Variants in DPY19L2 observed in about 807,000 individuals in gnomAD.
DPY19L2 encodes the protein dpy-19 like 2.
Under a neutral mutation model 97.9 loss-of-function variants are expected in DPY19L2, and 34 were observed. That is an observed-to-expected ratio of 0.35 (90% confidence interval 0.26 to 0.46). DPY19L2 has a LOEUF of 0.46. Ranked by LOEUF, DPY19L2 falls within the 20% of genes least tolerant of loss-of-function variation. The probability of loss-of-function intolerance (pLI) is 1.00; values close to 1 mark genes in which losing one functional copy is unlikely to be tolerated. For synonymous variants in DPY19L2, 230 were observed against 307.9 expected, an observed-to-expected ratio of 0.75 and a Z score of 2.65; for missense variants, 623 against 911.4, an observed-to-expected ratio of 0.68 and a Z score of 4.07.
chr12:63,632,185 A>T (rs944552957), intron 6 of DPY19L2, among the ~76,000 whole-genome samples: 4 of 152,150 alleles, frequency 2.6e-5, no homozygotes, highest in African/African-American at 9.7e-5. Context: ...CACCACTCCT[A>T]TACAACATAT....
chr12:63,615,224 T>C (rs144485511), intron 11 of DPY19L2, among the ~76,000 whole-genome samples: 180 of 152,224 alleles, frequency 1.2e-3, no homozygotes, highest in African/African-American at 3.9e-3. Flanking sequence ...GAGCCTACAT[T>C]TGGAAGATGA....
At chr12:63,652,975 G>T (rs1282512513) in intron 4 of DPY19L2, among the ~76,000 whole-genome samples, 1 of 151,916 alleles carries the variant, frequency 6.6e-6, no homozygotes, top group Non-Finnish European at 1.5e-5. Context: ...AACACATAAA[G>T]AAAAGTCAAA....
At chr12:63,594,654 G>C (rs1280205494) in intron 15 of DPY19L2, among the ~76,000 whole-genome samples, 5 of 92,512 alleles carry the variant, frequency 5.4e-5, no homozygotes, top group African/African-American at 8.5e-5. Flanking sequence ...GTGCGTGTCT[G>C]TGTGTGTGTG....
chr12:63,638,046 G>A (rs1301792319), intron 6 of DPY19L2, among the ~76,000 whole-genome samples: 6 of 152,126 alleles, frequency 3.9e-5, no homozygotes, highest in Admixed American at 6.5e-5. Flanking sequence ...ATGCAAGGCT[G>A]GTTCAACATA....
chr12:63,617,498 G>A (rs1888047715), intron 10 of DPY19L2, 108 bp from the exon 11 acceptor site: 1 of 669,204 alleles, frequency 1.5e-6, no homozygotes, highest in Admixed American at 3.3e-5. Flanking sequence ...GCATAAAGAT[G>A]AATGACTCTT....
At chr12:63,585,856 T>C (rs573395778) in intron 16 of DPY19L2, among the ~76,000 whole-genome samples, 2 of 152,270 alleles carry the variant, frequency 1.3e-5, no homozygotes, top group African/African-American at 4.8e-5. Flanking sequence ...AATGCATCCA[T>C]ATAATTAAAA....
intron 4 of DPY19L2, among the ~76,000 whole-genome samples, chr12:63,655,247 C>A (rs1055650079): frequency 6.6e-6 from 1 of 151,954 alleles, no homozygotes; most frequent in African/African-American, 2.4e-5. Flanking sequence ...TAGGGAAATG[C>A]AAATTAAAGC....
At chr12:63,571,612 A>G (rs1202235907) in intron 19 of DPY19L2, among the ~76,000 whole-genome samples, 1 of 152,200 alleles carries the variant, frequency 6.6e-6, no homozygotes, top group Non-Finnish European at 1.5e-5. Context: ...GCCATAAAAA[A>G]GGAAAGCATT....
intron 3 of DPY19L2, 147 bp downstream of exon 3, chr12:63,663,611 A>G: frequency 3.1e-6 from 2 of 642,094 alleles, no homozygotes; most frequent in Non-Finnish European, 5.2e-6. Flanking sequence ...AATCTCAAAC[A>G]CTTTACTATT....
At chr12:63,640,645 ACAG>A (rs1565823805) in intron 6 of DPY19L2, among the ~76,000 whole-genome samples, 1 of 152,150 alleles carries the variant, frequency 6.6e-6, no homozygotes, top group Non-Finnish European at 1.5e-5. Context: ...TGACACCTCT[ACAG>A]TCACTATTGG....
At chr12:63,646,335 A>G (rs1177098123) in intron 5 of DPY19L2, among the ~76,000 whole-genome samples, 2 of 152,166 alleles carry the variant, frequency 1.3e-5, no homozygotes, top group Non-Finnish European at 2.9e-5. Context: ...ATCATTGCAA[A>G]GTCTTTCATT....
At chr12:63,573,823 T>G (rs1482087203) in intron 19 of DPY19L2, among the ~76,000 whole-genome samples, 1 of 152,104 alleles carries the variant, frequency 6.6e-6, no homozygotes, top group African/African-American at 2.4e-5. Context: ...CTGAGAGTAG[T>G]GTATCCAGAG....
chr12:63,658,767 C>G (rs1009650934), intron 4 of DPY19L2, among the ~76,000 whole-genome samples: 3 of 152,136 alleles, frequency 2.0e-5, no homozygotes, highest in Non-Finnish European at 4.4e-5. Flanking sequence ...TGTGTCATCA[C>G]TCAGTCAACC....
intron 21 of DPY19L2, among the ~76,000 whole-genome samples, chr12:63,567,738 A>G (rs918072154): frequency 1.3e-5 from 2 of 152,072 alleles, no homozygotes; most frequent in African/African-American, 4.8e-5. Context: ...GTTGATCTGG[A>G]AAATGTATTT....
chr12:63,615,291 A>G (rs1342743531), intron 11 of DPY19L2, among the ~76,000 whole-genome samples: 1 of 152,198 alleles, frequency 6.6e-6, no homozygotes, highest in Non-Finnish European at 1.5e-5. Context: ...ATCAACATTT[A>G]CTTTACTTCT....
intron 15 of DPY19L2, among the ~76,000 whole-genome samples, chr12:63,595,304 A>G (rs1034103881): frequency 6.6e-6 from 1 of 152,192 alleles, no homozygotes; most frequent in Non-Finnish European, 1.5e-5. Context: ...AATAATATAA[A>G]TAAAGATGGC....
intron 19 of DPY19L2, among the ~76,000 whole-genome samples, chr12:63,576,354 A>G (rs1463043468): frequency 6.6e-6 from 1 of 152,006 alleles, no homozygotes; most frequent in Non-Finnish European, 1.5e-5. Flanking sequence ...GTGAGAAAAC[A>G]CTGAAAGCCT....
intron 1 of DPY19L2, chr12:63,666,518 C>T (rs748873986): frequency 9.0e-6 from 4 of 446,726 alleles, no homozygotes; most frequent in Admixed American, 2.4e-5. Context: ...GAGCTGCAAA[C>T]GCAGCCTGTG....
At chr12:63,589,686 T>C (rs768738305) in intron 16 of DPY19L2, among the ~76,000 whole-genome samples, 1 of 152,134 alleles carries the variant, frequency 6.6e-6, no homozygotes, top group Non-Finnish European at 1.5e-5. Flanking sequence ...AAGCAACATA[T>C]GAACCCAGAA....
Sources: gnomAD v4.1 joint callset for allele counts (sites outside exome capture counted in the v4.1 genomes callset) on GRCh38, gnomAD v4.1.1 for gene constraint, MANE v1.5 for transcripts, NCBI Gene and HGNC (gene_info 2026-07-23, HGNC 2026-07-21) for gene names.